The following MGST3 variants were observed in gnomAD, a reference collection of about 807,000 sequenced individuals.
The protein encoded by MGST3 is glutathione S-transferase 3, mitochondrial.
MGST3 carries 13 observed loss-of-function variants against 15.8 expected under a neutral mutation model. The ratio of observed to expected loss-of-function variants is 0.82; its 90% confidence interval spans 0.54 to 1.31. The LOEUF (loss-of-function observed/expected upper bound fraction) is 1.31, where lower values mean the gene tolerates loss of function less well. Among genes scored for constraint, MGST3 ranks in the 50% most tolerant of loss-of-function variants. The pLI is 0.00. For synonymous variants in MGST3, 49 were observed against 68.1 expected (o/e 0.72, Z 1.38); for missense variants, 155 against 192.4 (o/e 0.81, Z 1.15).
chr1:165,632,020 A>G, intron 1 of MGST3: 1 of 524,558 alleles, frequency 1.9e-6, no homozygotes, highest in Non-Finnish European at 3.5e-6. Context: ...GTAGTGGGGC[A>G]GTTGCAGGGC....
At chr1:165,654,034 A>G (rs979302412) in intron 4 of MGST3, 4 of 481,684 alleles carry the variant, frequency 8.3e-6, no homozygotes, top group African/African-American at 2.1e-5. Flanking sequence ...CTTCTATCCC[A>G]CCTGTCTAGG....
chr1:165,654,327 T>G lies in MGST3; in HGVS notation c.298T>G (p.Tyr100Asp). The change falls in exon 5 of 6, where the codon TAT (tyrosine) becomes GAT (aspartate). Residue 100 changes from tyrosine (Y) to aspartate (D), a missense_variant. Transcript: ENST00000367889. ...GLAWIVGRVLYAYGYYTGEPS... is the reference protein window; with the variant it reads ...GLAWIVGRVLDAYGYYTGEPS... Reference sequence around the variant, plus strand: ...GGCCTGGATTGTTGGACGAGTTCTTTATGCTTATGGCTATTACACGGGAGG... The same window carrying G: ...GGCCTGGATTGTTGGACGAGTTCTTGATGCTTATGGCTATTACACGGGAGG... 1 of 1,614,216 alleles carries G rather than the reference T, an allele frequency of 6.2e-7. No homozygotes were observed. The highest frequency in any genetic ancestry group is 8.5e-7 in the Non-Finnish European group (1 of 1,180,016).
At chr1:165,634,024 G>GTT (rs56190944) in intron 1 of MGST3, among the ~76,000 whole-genome samples, 34 of 138,454 alleles carry the variant, frequency 2.5e-4, no homozygotes, top group Non-Finnish European at 3.1e-4. Context: ...CTTTCCCAAA[G>GTT]TTTTTTTTTT....
chr1:165,654,880 C>T (rs373809439), intron 5 of MGST3, among the ~76,000 whole-genome samples: 1 of 152,098 alleles, frequency 6.6e-6, no homozygotes, highest in African/African-American at 2.4e-5. Flanking sequence ...TGTTATTTAA[C>T]CTTACAACAA....
intron 1 of MGST3, chr1:165,631,927 G>T: frequency 3.1e-6 from 1 of 318,644 alleles, no homozygotes; most frequent in Non-Finnish European, 5.9e-6. Context: ...CTAGGCGGGT[G>T]GGGGACTCTT....
chr1:165,654,013 T>C, intron 4 of MGST3: 1 of 455,872 alleles, frequency 2.2e-6, no homozygotes. Flanking sequence ...CCAGGGCAAG[T>C]GGGGGGATTC....
intron 2 of MGST3, chr1:165,650,747 G>T: frequency 2.1e-6 from 1 of 469,996 alleles, no homozygotes; most frequent in Non-Finnish European, 3.9e-6. Flanking sequence ...TGAAAAGCAC[G>T]GAGTTTGGCG....
Position 165,655,525 on chromosome 1 carries a change from A to C in MGST3, c.*21A>C. On this transcript the variant is annotated 3_prime_UTR_variant, in exon 6 of 6. Transcript: ENST00000367889. ...ATTAAAGAATTATAGGGGTTTAAAAACTCTCATTCATTTTAAATGACTTAC... is the reference window on the plus strand; with the variant it reads ...ATTAAAGAATTATAGGGGTTTAAAACCTCTCATTCATTTTAAATGACTTAC... 3 of 1,612,998 alleles carry C rather than the reference A, an allele frequency of 1.9e-6. No homozygotes were observed. The African/African-American group carries it at 4.0e-5, about 22-fold the overall frequency.
rs1177132426 is a variant in MGST3, at chr1:165,642,390, C to T, written c.-7-7451C>T. Among the ~76,000 whole-genome samples the T allele has an allele frequency of 1.3e-5, 2 of 152,220 alleles. 1 individual carries two copies. The highest frequency in any genetic ancestry group is 4.1e-4 in the South Asian group (2 of 4,838). On this transcript the variant is annotated intron_variant, in intron 1 of 5. Coordinates refer to ENST00000367889, the MANE Select transcript of MGST3 (RefSeq NM_004528.4). Reference sequence around the variant, plus strand: ...GTCAGTGCTAAAATCCTGCTTCCTTCTGGCTGCTTCTGCCTTTCACATGAT... The same window carrying T: ...GTCAGTGCTAAAATCCTGCTTCCTTTTGGCTGCTTCTGCCTTTCACATGAT...
chr1:165,650,033 T>C lies in MGST3; in HGVS notation c.117+69T>C, dbSNP rs1557995277. 4 of 1,606,278 alleles carry C rather than the reference T, an allele frequency of 2.5e-6. No individual in the cohort carries two copies. In the South Asian group the frequency reaches 4.4e-5, roughly 18 times the overall value. On this transcript the variant is annotated intron_variant, in intron 2 of 5. Coordinates refer to ENST00000367889, the MANE Select transcript of MGST3 (RefSeq NM_004528.4). ...GGCCACAGGCTTAGCCAAGAACTTA[T>C]TTTCAGCCATGGAGGGAGAGGCAAG...
chr1:165,643,592 G>A (rs1322899978), intron 1 of MGST3, among the ~76,000 whole-genome samples: 1 of 151,258 alleles, frequency 6.6e-6, no homozygotes, highest in Non-Finnish European at 1.5e-5. Context: ...TAGGCTGGGC[G>A]TGATGGCTAA....
At chr1:165,655,087 C>T (rs12748251) in intron 5 of MGST3, among the ~76,000 whole-genome samples, 1 of 152,178 alleles carries the variant, frequency 6.6e-6, no homozygotes, top group Non-Finnish European at 1.5e-5. Context: ...TTTAGCTGTA[C>T]TTCTTTGAAA....
chr1:165,641,518 C>T (rs1294692545), intron 1 of MGST3, among the ~76,000 whole-genome samples: 1 of 152,168 alleles, frequency 6.6e-6, no homozygotes, highest in African/African-American at 2.4e-5. Context: ...GTAGAAAAAC[C>T]AGTATATCCT....
intron 1 of MGST3, among the ~76,000 whole-genome samples, chr1:165,639,101 G>A (rs1163847237): frequency 6.6e-6 from 1 of 152,138 alleles, no homozygotes; most frequent in Non-Finnish European, 1.5e-5. Flanking sequence ...TCCAACGATC[G>A]TGGATCTGTC....
At chr1:165,634,244 G>A (rs1648037561) in intron 1 of MGST3, among the ~76,000 whole-genome samples, 1 of 152,124 alleles carries the variant, frequency 6.6e-6, no homozygotes, top group Admixed American at 6.5e-5. Context: ...AGCACAAACT[G>A]GAGCCAGACT....
intron 1 of MGST3, chr1:165,645,520 G>T (rs997403067): frequency 1.3e-5 from 2 of 152,072 alleles, no homozygotes; most frequent in African/African-American, 2.4e-5. Context: ...ATGCTAAAAA[G>T]TATAGTATAG....
intron 4 of MGST3, 145 bp from the exon 5 acceptor site, chr1:165,654,130 CTTAA>C: frequency 1.3e-6 from 1 of 757,284 alleles, no homozygotes. Flanking sequence ...CTGAAACTAA[CTTAA>C]TTCTACCTAA....
chr1:165,634,659 C>G (rs1648049060), intron 1 of MGST3, among the ~76,000 whole-genome samples: 1 of 151,878 alleles, frequency 6.6e-6, no homozygotes, highest in South Asian at 2.1e-4. Flanking sequence ...CGCAATGTCA[C>G]CCTTATGTTT....
At chr1:165,632,074 T>C in intron 1 of MGST3, 2 of 608,968 alleles carry the variant, frequency 3.3e-6, no homozygotes, top group Non-Finnish European at 5.9e-6. Flanking sequence ...TTCCCCGAAG[T>C]TGTGGCTTCT....
Sources: gnomAD v4.1 joint callset for allele counts (sites outside exome capture counted in the v4.1 genomes callset) on GRCh38, gnomAD v4.1.1 for gene constraint, MANE v1.5 for transcripts, NCBI Gene and HGNC (gene_info 2026-07-23, HGNC 2026-07-21) for gene names.